WDR70: variants seen among roughly 807,000 people sequenced by gnomAD.
WDR70 encodes WD repeat-containing protein 70.
In WDR70, 53 loss-of-function variants were observed where a neutral mutation model predicts 88.6. The observed-to-expected ratio is 0.60, with a 90% CI of 0.48 to 0.75. The LOEUF is 0.75. WDR70 is among the 30% of genes least tolerant of loss of function. The pLI is 0.00. For missense variants in WDR70, 610 were observed against 823.2 expected (o/e 0.74, Z 3.17); for synonymous variants, 280 against 270.0 (o/e 1.04, Z -0.36).
At chr5:37,488,099 T>C (rs536441775) in intron 8 of WDR70, among the ~76,000 whole-genome samples, 2 of 151,074 alleles carry the variant, frequency 1.3e-5, no homozygotes, top group East Asian at 3.9e-4. Context: ...TTTTTTTCCT[T>C]TCAGCACTTT....
At chr5:37,580,299 A>G (rs1743181874) in intron 9 of WDR70, among the ~76,000 whole-genome samples, 1 of 152,212 alleles carries the variant, frequency 6.6e-6, no homozygotes, top group South Asian at 2.1e-4. Context: ...TCTTTGGCCA[A>G]CAGCTCAACC....
intron 10 of WDR70, among the ~76,000 whole-genome samples, chr5:37,672,414 A>G (rs1746052567): frequency 6.6e-6 from 1 of 152,140 alleles, no homozygotes; most frequent in South Asian, 2.1e-4. Context: ...ACGAATGTCT[A>G]GGTGTAAAAC....
At chr5:37,707,546 G>A (rs956506440) in intron 13 of WDR70, among the ~76,000 whole-genome samples, 1 of 151,924 alleles carries the variant, frequency 6.6e-6, no homozygotes, top group Non-Finnish European at 1.5e-5. Context: ...GCATAACCTA[G>A]CATATAGCCT....
At chr5:37,690,944 G>A (rs1364877653) in intron 10 of WDR70, among the ~76,000 whole-genome samples, 2 of 152,148 alleles carry the variant, frequency 1.3e-5, no homozygotes, top group Non-Finnish European at 2.9e-5. Context: ...TGGATAAAGA[G>A]TGAAGACCCA....
chr5:37,708,125 A>ATTG (rs1747411944), intron 13 of WDR70, among the ~76,000 whole-genome samples: 3 of 150,340 alleles, frequency 2.0e-5, no homozygotes, highest in Non-Finnish European at 4.4e-5. Context: ...GTAAAGAACA[A>ATTG]GGATTATCTT....
intron 8 of WDR70, among the ~76,000 whole-genome samples, chr5:37,507,199 A>G (rs539119627): frequency 4.6e-5 from 7 of 152,210 alleles, no homozygotes; most frequent in South Asian, 4.1e-4. Context: ...CACCCTGTCT[A>G]TATCTACAAA....
intron 16 of WDR70, 84 bp downstream of exon 16, chr5:37,725,134 G>A: frequency 9.1e-7 from 1 of 1,103,832 alleles, no homozygotes; most frequent in Non-Finnish European, 1.3e-6. Context: ...AGGTCTTTTG[G>A]GCCTGGATGC....
intron 5 of WDR70, among the ~76,000 whole-genome samples, chr5:37,429,302 G>A (rs1750232233): frequency 6.6e-6 from 1 of 152,092 alleles, no homozygotes; most frequent in Admixed American, 6.5e-5. Context: ...TCCAGTCTGA[G>A]TCTGCCTTTT....
chr5:37,567,004 G>T (rs1314595021), intron 9 of WDR70, among the ~76,000 whole-genome samples: 1 of 152,128 alleles, frequency 6.6e-6, no homozygotes, highest in Non-Finnish European at 1.5e-5. Context: ...AGAACCTGGG[G>T]TCTCCAAAAT....
intron 7 of WDR70, among the ~76,000 whole-genome samples, chr5:37,470,629 T>TA (rs1314480202): frequency 6.6e-6 from 1 of 152,224 alleles, no homozygotes; most frequent in East Asian, 1.9e-4. Flanking sequence ...ATTTATAAAA[T>TA]ATATCCATAT....
intron 17 of WDR70, among the ~76,000 whole-genome samples, chr5:37,730,947 A>T (rs896936421): frequency 1.3e-5 from 2 of 152,148 alleles, no homozygotes; most frequent in Non-Finnish European, 2.9e-5. Context: ...AAGGTGAATT[A>T]TTAGGGTATG....
intron 7 of WDR70, among the ~76,000 whole-genome samples, chr5:37,449,595 A>T (rs4533914): frequency 6.5e-5 from 1 of 15,304 alleles, no homozygotes; most frequent in African/African-American, 7.1e-5. Context: ...TGTCTCAAAA[A>T]AAAAAAAATA....
At position 37,389,748 on chromosome 5, in the gene WDR70, A is replaced by T. The variant is rs192007704; in HGVS notation, c.176-2252A>T. Among the ~76,000 whole-genome samples, 47 of 151,722 alleles carry T rather than the reference A, an allele frequency of 3.1e-4. 1 individual carries two copies. The highest frequency in any genetic ancestry group is 2.2e-3 in the Admixed American group (33 of 15,232). On this transcript the variant is annotated intron_variant, in intron 3 of 17. Coordinates refer to ENST00000265107, the MANE Select transcript of WDR70 (RefSeq NM_018034.4). ...AAATCTGGACACTGCTTTTTTTTAA[A>T]TTTTTTCCAGTTTCTAGCATCAGAG... is the stretch of plus-strand genomic sequence containing the variant.
intron 8 of WDR70, among the ~76,000 whole-genome samples, chr5:37,515,556 G>A (rs912470262): frequency 6.6e-6 from 1 of 152,214 alleles, no homozygotes; most frequent in African/African-American, 2.4e-5. Flanking sequence ...TGAACAGAAT[G>A]TCAGGCCTTG....
chr5:37,641,402 G>A (rs533930279), intron 10 of WDR70, among the ~76,000 whole-genome samples: 10 of 119,776 alleles, frequency 8.3e-5, no homozygotes, highest in African/African-American at 3.3e-4. Flanking sequence ...CACCACACCT[G>A]TCCACATCCT....
At chr5:37,438,906 T>C (rs1257293816) in intron 6 of WDR70, among the ~76,000 whole-genome samples, 1 of 36,150 alleles carries the variant, frequency 2.8e-5, no homozygotes, top group East Asian at 2.9e-3. Context: ...GAGTCCTCAT[T>C]CGTTTTTTTT....
At chr5:37,387,860 G>T (rs1748673902) in intron 3 of WDR70, among the ~76,000 whole-genome samples, 1 of 152,062 alleles carries the variant, frequency 6.6e-6, no homozygotes. Flanking sequence ...TCTCATGCTT[G>T]GTATTGGAGT....
chr5:37,557,533 G>A (rs536695451), intron 9 of WDR70, among the ~76,000 whole-genome samples: 2 of 152,120 alleles, frequency 1.3e-5, no homozygotes, highest in South Asian at 2.1e-4. Flanking sequence ...ATCAGCAATT[G>A]CAAGAGCCTT....
intron 8 of WDR70, among the ~76,000 whole-genome samples, chr5:37,489,986 C>T (rs1052568529): frequency 1.3e-5 from 2 of 152,042 alleles, no homozygotes; most frequent in African/African-American, 4.8e-5. Context: ...CATCAGGTCC[C>T]CCTGATGGTC....
Sources: gnomAD v4.1 joint callset for allele counts (sites outside exome capture counted in the v4.1 genomes callset) on GRCh38, gnomAD v4.1.1 for gene constraint, MANE v1.5 for transcripts, NCBI Gene and HGNC (gene_info 2026-07-23, HGNC 2026-07-21) for gene names.